SEPTIN2: variants seen among roughly 807,000 people sequenced by gnomAD.
SEPTIN2 encodes the protein septin 2, also known as septin-2.
SEPTIN2 carries 34 observed loss-of-function variants against 46.5 expected under a neutral mutation model. The ratio of observed to expected loss-of-function variants is 0.73; its 90% CI spans 0.56 to 0.97. SEPTIN2 has a LOEUF of 0.97. Ranked by LOEUF, SEPTIN2 falls within the 50% of genes least tolerant of loss-of-function variation. The pLI, the probability that SEPTIN2 is intolerant of heterozygous loss-of-function variation, is 0.00. For missense variants in SEPTIN2, 347 were observed against 448.4 expected (o/e 0.77, Z 2.04); for synonymous variants, 175 against 153.4 (o/e 1.14, Z -1.04).
chr2:241,336,766 C>T (rs539962656), intron 5 of SEPTIN2: 1 of 170,724 alleles, frequency 5.9e-6, no homozygotes, highest in Non-Finnish European at 1.4e-5. Flanking sequence ...CCACCCTGTT[C>T]CTCTGCCCCT....
intron 1 of SEPTIN2, chr2:241,316,412 C>A (rs2076258734): frequency 9.2e-7 from 1 of 1,092,338 alleles, no homozygotes; most frequent in Non-Finnish European, 1.2e-6. Flanking sequence ...GGTGCCATTT[C>A]CTCCCTGAGG....
At chr2:241,337,814 C>CTCCCT (rs1650632813) in intron 7 of SEPTIN2, 24 bp downstream of exon 7, 38 of 1,551,776 alleles carry the variant, frequency 2.4e-5, no homozygotes, top group Non-Finnish European at 3.4e-5. Flanking sequence ...GCGTCCTGCC[C>CTCCCT]TCCCTCTGGG....
At chr2:241,346,282 G>GGC in intron 10 of SEPTIN2, 33 bp downstream of exon 10, 1 of 1,556,242 alleles carries the variant, frequency 6.4e-7, no homozygotes, top group Non-Finnish European at 8.9e-7. Context: ...TCTGTATTGT[G>GGC]TCACCCTGAG....
At position 241,335,192 on chromosome 2, in the gene SEPTIN2, G is replaced by C. The variant is rs1246615680; in HGVS notation, c.197G>C (p.Arg66Thr). 1 of 1,613,552 alleles carries C rather than the reference G, an allele frequency of 6.2e-7. No individual in the cohort carries two copies. Among genetic ancestry groups the C allele is most frequent in the East Asian group, 2.2e-5 (1 of 44,886 alleles). The change falls in exon 4 of 13, where the codon AGA becomes ACA. Residue 66 changes from arginine (R) to threonine (T), a missense_variant. Coordinates refer to ENST00000391971, the MANE Select transcript of SEPTIN2 (RefSeq NM_004404.5). ...TTCCTAACTGATCTGTACCCAGAAA[G>C]AGTCATACCTGGAGCAGCAGGTAAA... Reference protein sequence around the residue: ...SLFLTDLYPERVIPGAAEKIE... With the variant: ...SLFLTDLYPETVIPGAAEKIE...
In SEPTIN2 at chr2:241,344,518, G is replaced by A. The variant is rs149827966; in HGVS notation, c.842+621G>A. Among the ~76,000 whole-genome samples, 865 of 152,170 alleles carry A rather than the reference G, an allele frequency of 5.7e-3. 15 individuals carry two copies. The highest frequency in any genetic ancestry group is 0.019 in the African/African-American group (804 of 41,534). ...TCAAGACCAGCCTGACCAACATGGTGAAACCCCATCTGTACTTAAAGTGCA... is the reference window on the plus strand; with the variant it reads ...TCAAGACCAGCCTGACCAACATGGTAAAACCCCATCTGTACTTAAAGTGCA... On this transcript the variant is annotated intron_variant, in intron 9 of 12. Transcript: ENST00000391971.
intron 3 of SEPTIN2, among the ~76,000 whole-genome samples, chr2:241,333,921 G>C (rs2079462218): frequency 6.6e-6 from 1 of 152,216 alleles, no homozygotes; most frequent in Non-Finnish European, 1.5e-5. Flanking sequence ...CATGATCATA[G>C]CCTGCTGTAA....
chr2:241,316,583 A>G (rs185516824), intron 1 of SEPTIN2: 7 of 1,472,200 alleles, frequency 4.8e-6, no homozygotes, highest in Middle Eastern at 3.5e-4. Flanking sequence ...GGGGTAGGGT[A>G]TAGGGTTGGA....
chr2:241,323,945 A>T (rs2077531826), intron 1 of SEPTIN2, among the ~76,000 whole-genome samples: 1 of 152,216 alleles, frequency 6.6e-6, no homozygotes, highest in Non-Finnish European at 1.5e-5. Context: ...TCTAGTTTTG[A>T]ATAAAGAATA....
In SEPTIN2 at chr2:241,335,185, C is replaced by G. The variant is rs2079735907; in HGVS notation, c.190C>G (p.Pro64Ala). Residue 64 changes from proline (P) to alanine (A), a missense_variant, in exon 4 of 13, where the codon CCA becomes GCA. Physicochemically the swap from Pro to Ala is conservative, Grantham distance 27. Coordinates refer to ENST00000391971, the MANE Select transcript of SEPTIN2 (RefSeq NM_004404.5). Reference protein sequence around the residue: ...INSLFLTDLYPERVIPGAAEK... With the variant: ...INSLFLTDLYAERVIPGAAEK... Reference sequence around the variant, plus strand: ...CAGCCTATTCCTAACTGATCTGTACCCAGAAAGAGTCATACCTGGAGCAGC... The same window carrying G: ...CAGCCTATTCCTAACTGATCTGTACGCAGAAAGAGTCATACCTGGAGCAGC... 6.2e-7 allele frequency: 1 copy of G among 1,613,512 alleles called. No homozygotes were observed. Among genetic ancestry groups the G allele is most frequent in the African/African-American group, 1.3e-5 (1 of 74,854 alleles).
intron 3 of SEPTIN2, among the ~76,000 whole-genome samples, chr2:241,328,530 A>G (rs2078394456): frequency 6.6e-6 from 1 of 151,788 alleles, no homozygotes; most frequent in Admixed American, 6.6e-5. Flanking sequence ...TGAGGTTGGG[A>G]GTTCAAGACC....
chr2:241,341,899 T>A (rs1169760352), intron 7 of SEPTIN2, among the ~76,000 whole-genome samples: 2 of 152,330 alleles, frequency 1.3e-5, no homozygotes, highest in East Asian at 3.9e-4. Context: ...ATGCCCACCA[T>A]GCAATGAGCA....
At chr2:241,344,166 T>G (rs2081650876) in intron 9 of SEPTIN2, among the ~76,000 whole-genome samples, 1 of 152,070 alleles carries the variant, frequency 6.6e-6, no homozygotes, top group Non-Finnish European at 1.5e-5. Context: ...ATCTTACATC[T>G]TTGATGTTAA....
chr2:241,348,142 A>C lies in SEPTIN2; in HGVS notation c.935A>C (p.Glu312Ala). The C allele has an allele frequency of 1.2e-6, 2 of 1,612,384 alleles. No individual in the cohort carries two copies. The highest frequency in any genetic ancestry group is 8.5e-7 in the Non-Finnish European group (1 of 1,179,056). Residue 312 changes from glutamate to alanine, a missense_variant, in exon 11 of 13, where the codon GAG becomes GCG. Coordinates refer to ENST00000391971, the MANE Select transcript of SEPTIN2 (RefSeq NM_004404.5). ...ERLKRGGRKV[E>A]NEDMNKDQIL... ...TTTCTTTCGATTCTTAGGAAAGTGG[A>C]GAATGAGGACATGAATAAAGACCAG...
intron 7 of SEPTIN2, among the ~76,000 whole-genome samples, chr2:241,338,575 C>T (rs200979789): frequency 5.4e-5 from 7 of 129,856 alleles, no homozygotes; most frequent in South Asian, 2.4e-4. Flanking sequence ...CATAGCAATA[C>T]GCTGTCTCTA....
chr2:241,325,414 A>G (rs1252397926), intron 2 of SEPTIN2, among the ~76,000 whole-genome samples: 1 of 152,000 alleles, frequency 6.6e-6, no homozygotes, highest in East Asian at 1.9e-4. Context: ...TTGGTCTTTG[A>G]CACTAGATAC....
At chr2:241,338,901 ATT>A (rs1491448159) in intron 7 of SEPTIN2, among the ~76,000 whole-genome samples, 14 of 80,828 alleles carry the variant, frequency 1.7e-4, no homozygotes, top group African/African-American at 6.2e-4. Context: ...TATTATATAT[ATT>A]ATATATAATA....
chr2:241,316,096 T>G (rs1359815900), intron 1 of SEPTIN2, 114 bp downstream of exon 1: 1 of 164,006 alleles, frequency 6.1e-6, no homozygotes, highest in African/African-American at 2.4e-5. Context: ...GGCTCTGGGG[T>G]GCCGGCGGGG....
At position 241,320,534 on chromosome 2, in the gene SEPTIN2, C is replaced by T. The variant is rs554844675; in HGVS notation, c.-17-3682C>T. Among the ~76,000 whole-genome samples the T allele has an allele frequency of 7.2e-5, 11 of 152,278 alleles. No homozygotes were observed. The South Asian group carries it at 1.0e-3, about 14-fold the overall frequency. ...TGCGGCCAAGCACGGTGGCTCAGGC[C>T]GGTAATCCCAGCACTTTGGGAAACC... On this transcript the variant is annotated intron_variant, in intron 1 of 12. Transcript: ENST00000391971.
intron 1 of SEPTIN2, chr2:241,320,349 C>G (rs910949044): frequency 4.3e-6 from 2 of 470,298 alleles, no homozygotes; most frequent in Admixed American, 4.7e-5. Flanking sequence ...GTTTTTGGTT[C>G]TGTATTGGTA....
Sources: allele counts gnomAD v4.1 joint callset (sites outside exome capture counted in the v4.1 genomes callset), GRCh38; gene constraint gnomAD v4.1.1; transcripts MANE v1.5; gene names NCBI Gene and HGNC (gene_info 2026-07-23, HGNC 2026-07-21).